Variants in FAM20C observed in about 807,000 individuals in gnomAD.
FAM20C encodes the protein FAM20C golgi associated secretory pathway kinase.
In FAM20C, 40 loss-of-function variants were observed where a neutral mutation model predicts 51.5. The ratio of observed to expected loss-of-function variants is 0.78; its 90% CI spans 0.60 to 1.01. The LOEUF (loss-of-function observed/expected upper bound fraction) is 1.01. Among genes scored for constraint, FAM20C ranks in the 50% least tolerant of loss-of-function variants. The pLI is 0.00. For missense variants in FAM20C, 861 were observed against 844.7 expected, an observed-to-expected ratio of 1.02 and a Z score of -0.24; for synonymous variants, 406 against 380.6, an observed-to-expected ratio of 1.07 and a Z score of -0.78.
chr7:237,222 G>C (rs1583323071), intron 3 of FAM20C, among the ~76,000 whole-genome samples: 1 of 152,238 alleles, frequency 6.6e-6, no homozygotes, highest in Non-Finnish European at 1.5e-5. Context: ...CCTCGAGGCA[G>C]GGCCTGGTCC....
intron 3 of FAM20C, among the ~76,000 whole-genome samples, chr7:237,632 A>G (rs1787885998): frequency 3.3e-5 from 5 of 151,976 alleles, no homozygotes; most frequent in African/African-American, 1.2e-4. Flanking sequence ...GATGGTAGCA[A>G]TGACGGTAAT....
chr7:219,527 G>T (rs1285943415), intron 3 of FAM20C, among the ~76,000 whole-genome samples: 1 of 152,170 alleles, frequency 6.6e-6, no homozygotes, highest in African/African-American at 2.4e-5. Flanking sequence ...CTTCGAATCC[G>T]GTACCTGAAG....
rs117300223 is a variant in FAM20C, at chr7:208,605, C to G, written c.785-293C>G. On this transcript the variant is annotated intron_variant, in intron 2 of 9. Coordinates refer to ENST00000313766, the MANE Select transcript of FAM20C (RefSeq NM_020223.4). Reference sequence around the variant, plus strand: ...GTGGGGTGTGTGCTGATGTGGGTGGCTTATACGTGTGTGTCCAGGTAAGCA... The same window carrying G: ...GTGGGGTGTGTGCTGATGTGGGTGGGTTATACGTGTGTGTCCAGGTAAGCA... Among the ~76,000 whole-genome samples, 49 of 63,112 alleles carry G rather than the reference C, an allele frequency of 7.8e-4. 3 individuals are homozygous for G. The highest frequency in any genetic ancestry group is 4.1e-3 in the Admixed American group (22 of 5,400). 41.4% of individuals were successfully genotyped at this position (63,112 alleles called of 152,430 possible). A position where few individuals can be genotyped will look rare whatever the true frequency, so the allele number is the denominator to read the frequency against.
intron 3 of FAM20C, among the ~76,000 whole-genome samples, chr7:214,214 A>G (rs991729130): frequency 5.9e-5 from 9 of 152,024 alleles, no homozygotes; most frequent in Admixed American, 2.0e-4. Context: ...AATCCCAGCT[A>G]CTCGGGAGGC....
chr7:253,364 C>T (rs761975056), intron 5 of FAM20C, among the ~76,000 whole-genome samples: 39 of 152,216 alleles, frequency 2.6e-4, no homozygotes, highest in Non-Finnish European at 3.8e-4. Flanking sequence ...CCATCTTCGT[C>T]CTTGCCAGGA....
rs1562400937 is a variant in FAM20C, at chr7:257,831, TGGGC to T, written c.1445+746_1445+749del. Among the ~76,000 whole-genome samples, 18 of 115,332 alleles carry T rather than the reference TGGGC, an allele frequency of 1.6e-4. 3 individuals are homozygous for T. The highest frequency in any genetic ancestry group is 4.6e-4 in the African/African-American group (13 of 28,532). The allele number at this position is 115,332 out of a possible 152,430, so 75.7% of individuals were successfully genotyped here. On this transcript the variant is annotated intron_variant, in intron 8 of 9. Coordinates refer to ENST00000313766, the MANE Select transcript of FAM20C (RefSeq NM_020223.4). Reference sequence around the variant, plus strand: ...GACCCACTGCCCGGGGTGCTGGAGATGGGCAGGGTGGACCCACTGCCTGGGGTGC... The same window carrying T: ...GACCCACTGCCCGGGGTGCTGGAGATAGGGTGGACCCACTGCCTGGGGTGC...
At chr7:206,675 C>T (rs1431704583) in intron 2 of FAM20C, among the ~76,000 whole-genome samples, 1 of 144,754 alleles carries the variant, frequency 6.9e-6, no homozygotes, top group South Asian at 2.2e-4. Flanking sequence ...ACTGTCCCCT[C>T]GGCCCCGCAC....
At chr7:195,138 C>T in intron 1 of FAM20C, 1 of 173,242 alleles carries the variant, frequency 5.8e-6, no homozygotes, top group Non-Finnish European at 1.2e-5. Flanking sequence ...GAGTTTCATG[C>T]AGCCTGTGGT....
chr7:209,398 C>A (rs2115067503), intron 3 of FAM20C, among the ~76,000 whole-genome samples: 1 of 152,326 alleles, frequency 6.6e-6, no homozygotes, highest in South Asian at 2.1e-4. Flanking sequence ...TATGGTCTCT[C>A]CCTACTATTC....
At position 219,108 on chromosome 7, in the gene FAM20C, G is replaced by T. The variant is rs957010171; in HGVS notation, c.863+10132G>T. Among the ~76,000 whole-genome samples the T allele has an allele frequency of 4.9e-4, 75 of 152,294 alleles. 1 individual carries two copies. Among genetic ancestry groups the T allele is most frequent in the African/African-American group, 1.8e-3 (73 of 41,544 alleles). ...GGGGTCGTCACCATGGGTGGTGGTG[G>T]TGTTTGGAGGCACGGTTGCCTTCTG... On this transcript the variant is annotated intron_variant, in intron 3 of 9. Coordinates refer to ENST00000313766, the MANE Select transcript of FAM20C (RefSeq NM_020223.4).
intron 2 of FAM20C, among the ~76,000 whole-genome samples, chr7:204,406 T>A (rs564411808): frequency 4.3e-4 from 65 of 152,324 alleles, no homozygotes; most frequent in African/African-American, 1.5e-3. Context: ...GACTGCGCAG[T>A]GGTCCAGGGC....
intron 3 of FAM20C, chr7:228,576 G>C: frequency 4.4e-6 from 2 of 456,252 alleles, no homozygotes; most frequent in Non-Finnish European, 8.8e-6. Context: ...TACACCCCCA[G>C]CTCTCCTCTG....
intron 5 of FAM20C, among the ~76,000 whole-genome samples, chr7:250,414 C>G (rs1788350293): frequency 2.0e-5 from 3 of 152,166 alleles, no homozygotes; most frequent in Admixed American, 1.3e-4. Context: ...GTGCCTGGCC[C>G]TACACACCAG....
At chr7:214,710 C>T (rs1786879511) in intron 3 of FAM20C, among the ~76,000 whole-genome samples, 1 of 152,172 alleles carries the variant, frequency 6.6e-6, no homozygotes, top group African/African-American at 2.4e-5. Context: ...ACCCTTTTGA[C>T]CTGGCCTAGG....
In FAM20C at chr7:226,396, C is replaced by T. The variant is rs934589413; in HGVS notation, c.863+17420C>T. The stretch of plus-strand genomic sequence containing the variant: ...ACAGCGTGTCTCCTGCATGGGCTGA[C>T]TCAGAGGGGCGTGCCACAAGGCCTA... On this transcript the variant is annotated intron_variant, in intron 3 of 9. Coordinates refer to ENST00000313766, the MANE Select transcript of FAM20C (RefSeq NM_020223.4). Among the ~76,000 whole-genome samples, 7 of 152,290 alleles carry T rather than the reference C, an allele frequency of 4.6e-5. No individual in the cohort carries two copies. The East Asian group carries it at 1.2e-3, about 25-fold the overall frequency.
chr7:255,257 T>C (rs1020481579), intron 5 of FAM20C, among the ~76,000 whole-genome samples: 1 of 152,160 alleles, frequency 6.6e-6, no homozygotes, highest in Non-Finnish European at 1.5e-5. Context: ...GCTGCTCTTT[T>C]GATGGAAGCC....
In FAM20C at chr7:207,339, C is replaced by T. The variant is rs34581525; in HGVS notation, c.785-1559C>T. 1.1e-3 allele frequency among the ~76,000 whole-genome samples: 103 copies of T among 93,924 alleles called. 2 individuals are homozygous for T. Among genetic ancestry groups the T allele is most frequent in the African/African-American group, 2.0e-3 (35 of 17,836 alleles). The allele number at this position is 93,924 out of a possible 152,430, so 61.6% of individuals were successfully genotyped here. ...GCGTCGGTCACTGTCCCCTCGGCCC[C>T]GCACACGTATCCACTGTGAGGCGTC... On this transcript the variant is annotated intron_variant, in intron 2 of 9. Transcript: ENST00000313766.
At chr7:208,695 C>T (rs1447645620) in intron 2 of FAM20C, among the ~76,000 whole-genome samples, 1 of 152,120 alleles carries the variant, frequency 6.6e-6, no homozygotes, top group African/African-American at 2.4e-5. Flanking sequence ...AGATCTACCC[C>T]AGTACTCAAC....
Position 241,579 on chromosome 7 carries a change from T to C in FAM20C, c.864-4836T>C, listed in dbSNP as rs951668098. ...GGTTGTGTGTGTGTGTGTGTGTGTG[T>C]GCACTCCTGCGAGTGTGCATATATG... On this transcript the variant is annotated intron_variant, in intron 3 of 9. Coordinates refer to ENST00000313766, the MANE Select transcript of FAM20C (RefSeq NM_020223.4). Among the ~76,000 whole-genome samples, 371 of 150,408 alleles carry C rather than the reference T, an allele frequency of 2.5e-3. 2 individuals are homozygous for C. The highest frequency in any genetic ancestry group is 8.5e-3 in the African/African-American group (348 of 40,932).
Sources: allele counts gnomAD v4.1 joint callset (sites outside exome capture counted in the v4.1 genomes callset), GRCh38; gene constraint gnomAD v4.1.1; transcripts MANE v1.5; gene names NCBI Gene and HGNC (gene_info 2026-07-23, HGNC 2026-07-21).